The following NUBPL variants were observed in gnomAD, a reference collection of about 807,000 sequenced individuals.
NUBPL encodes iron-sulfur cluster transfer protein NUBPL.
A neutral mutation model predicts 45.7 loss-of-function variants in NUBPL; 31 were observed. The ratio of observed to expected loss-of-function variants is 0.68; its 90% CI spans 0.51 to 0.92. The LOEUF (loss-of-function observed/expected upper bound fraction) is 0.92, where lower values mean the gene tolerates loss of function less well. Ranked by LOEUF, NUBPL falls within the 40% of genes least tolerant of loss-of-function variation. The pLI is 0.00. For missense variants in NUBPL, 401 were observed against 398.7 expected (o/e 1.01, Z -0.05); for synonymous variants, 144 against 140.9 (o/e 1.02, Z -0.15).
chr14:31,758,142 A>G (rs976402576), intron 6 of NUBPL, among the ~76,000 whole-genome samples: 6 of 152,122 alleles, frequency 3.9e-5, no homozygotes, highest in African/African-American at 1.4e-4. Context: ...TCCATCCATT[A>G]GAGTGTAAGT....
chr14:31,651,913 AG>A (rs2036017305), intron 4 of NUBPL, among the ~76,000 whole-genome samples: 1 of 150,364 alleles, frequency 6.7e-6, no homozygotes, highest in Non-Finnish European at 1.5e-5. Context: ...AAAAAAAAAA[AG>A]AAAAAAAGAA....
At chr14:31,632,150 G>A (rs1294093987) in intron 4 of NUBPL, among the ~76,000 whole-genome samples, 4 of 152,074 alleles carry the variant, frequency 2.6e-5, no homozygotes, top group Non-Finnish European at 5.9e-5. Context: ...AATTTGAGAG[G>A]GACTATTTAC....
rs1240055444 is a variant in NUBPL at position 31,666,250 on chromosome 14, T to C, written c.383-7105T>C. Among the ~76,000 whole-genome samples the C allele has an allele frequency of 9.0e-4, 86 of 95,966 alleles. 4 individuals carry two copies. Among genetic ancestry groups the C allele is most frequent in the African/African-American group, 2.3e-3 (50 of 21,704 alleles). 63.0% of individuals were successfully genotyped at this position (95,966 alleles called of 152,430 possible). On this transcript the variant is annotated intron_variant, in intron 4 of 10. Transcript: ENST00000281081. ...TAAGATATATATATATATATATATATATATATATATATAATTTTATTTTAT... is the reference window on the plus strand; with the variant it reads ...TAAGATATATATATATATATATATACATATATATATATAATTTTATTTTAT...
intron 4 of NUBPL, among the ~76,000 whole-genome samples, chr14:31,643,603 A>G (rs1053095773): frequency 5.3e-5 from 8 of 152,154 alleles, no homozygotes; most frequent in South Asian, 2.1e-4. Context: ...TGTTGGGTCT[A>G]TAGTTTTCTT....
chr14:31,842,050 C>G (rs2040384531), intron 8 of NUBPL, among the ~76,000 whole-genome samples: 1 of 149,704 alleles, frequency 6.7e-6, no homozygotes, highest in Admixed American at 6.7e-5. Context: ...CCTGCCTCAG[C>G]CTCCTGAGTA....
At chr14:31,810,976 G>C (rs140515703) in intron 7 of NUBPL, among the ~76,000 whole-genome samples, 1 of 152,080 alleles carries the variant, frequency 6.6e-6, no homozygotes, top group Admixed American at 6.6e-5. Context: ...AGGGTTTCTG[G>C]CGAGAGATCC....
rs576776758 is a variant in NUBPL at position 31,774,751 on chromosome 14, C to T, written c.514-13029C>T. On this transcript the variant is annotated intron_variant, in intron 6 of 10. Coordinates refer to ENST00000281081, the MANE Select transcript of NUBPL (RefSeq NM_025152.3). The stretch of plus-strand genomic sequence containing the variant: ...TATTATTTGAGGAAAACATGTTAGC[C>T]TAAAATTACCATTGTCAGCATTAGT... Among the ~76,000 whole-genome samples, 3 of 152,198 alleles carry T rather than the reference C, an allele frequency of 2.0e-5. No homozygotes were observed. In the East Asian group the frequency reaches 5.8e-4, roughly 29 times the overall value.
At chr14:31,756,095 T>G (rs1324942363) in intron 6 of NUBPL, among the ~76,000 whole-genome samples, 1 of 151,770 alleles carries the variant, frequency 6.6e-6, no homozygotes, top group Admixed American at 6.6e-5. Flanking sequence ...CTGTTTTGGT[T>G]ACTGTAGCCT....
chr14:31,753,308 A>G (rs1035766694), intron 6 of NUBPL, among the ~76,000 whole-genome samples: 2 of 152,026 alleles, frequency 1.3e-5, no homozygotes, highest in Non-Finnish European at 2.9e-5. Context: ...TGGGAGGTGT[A>G]TGCAGCCTAT....
intron 9 of NUBPL, among the ~76,000 whole-genome samples, chr14:31,848,766 T>C (rs1218332737): frequency 6.6e-6 from 1 of 152,188 alleles, no homozygotes; most frequent in African/African-American, 2.4e-5. Context: ...TCTGTGTCTG[T>C]AGGTAGGATT....
At chr14:31,679,928 A>G (rs540498080) in intron 6 of NUBPL, among the ~76,000 whole-genome samples, 2 of 152,210 alleles carry the variant, frequency 1.3e-5, no homozygotes, top group Admixed American at 1.3e-4. Flanking sequence ...AATGTTTTAT[A>G]GTTTTTAGCA....
intron 6 of NUBPL, among the ~76,000 whole-genome samples, chr14:31,690,894 G>A (rs1566503166): frequency 6.6e-6 from 1 of 152,180 alleles, no homozygotes; most frequent in African/African-American, 2.4e-5. Context: ...AGAATTAGTA[G>A]AAGAAACTGT....
chr14:31,631,232 C>T (rs2035333675), intron 4 of NUBPL, among the ~76,000 whole-genome samples: 2 of 151,742 alleles, frequency 1.3e-5, no homozygotes, highest in African/African-American at 2.4e-5. Context: ...TTACAGGTGT[C>T]TGTGTGTGTG....
At chr14:31,566,238 C>G (rs1251672590) in intron 3 of NUBPL, among the ~76,000 whole-genome samples, 1 of 152,002 alleles carries the variant, frequency 6.6e-6, no homozygotes, top group Non-Finnish European at 1.5e-5. Context: ...GATCCTGGAA[C>G]TAGACATAGA....
chr14:31,574,106 G>C (rs944196437), intron 3 of NUBPL, among the ~76,000 whole-genome samples: 2 of 152,168 alleles, frequency 1.3e-5, no homozygotes, highest in South Asian at 2.1e-4. Flanking sequence ...TTTTCACTGA[G>C]CAAATGAAGT....
At chr14:31,631,677 G>A (rs554280899) in intron 4 of NUBPL, among the ~76,000 whole-genome samples, 3 of 152,194 alleles carry the variant, frequency 2.0e-5, no homozygotes, top group East Asian at 1.9e-4. Flanking sequence ...GTAAATTCCA[G>A]TCTGAGTCCA....
intron 4 of NUBPL, among the ~76,000 whole-genome samples, chr14:31,599,629 A>G (rs1226884615): frequency 6.6e-6 from 1 of 152,246 alleles, no homozygotes; most frequent in East Asian, 1.9e-4. Flanking sequence ...ATAAAGACTC[A>G]AAACACTTCT....
intron 6 of NUBPL, among the ~76,000 whole-genome samples, chr14:31,674,325 C>T (rs557420832): frequency 6.6e-6 from 1 of 152,246 alleles, no homozygotes; most frequent in South Asian, 2.1e-4. Flanking sequence ...ATGGTAGATA[C>T]TCCTATATTC....
chr14:31,799,000 A>AT (rs1189293127), intron 7 of NUBPL, among the ~76,000 whole-genome samples: 1 of 152,000 alleles, frequency 6.6e-6, no homozygotes, highest in African/African-American at 2.4e-5. Flanking sequence ...ACACTATCAA[A>AT]AAGTTTTTTT....
Sources: gnomAD v4.1 joint callset for allele counts (sites outside exome capture counted in the v4.1 genomes callset) on GRCh38, gnomAD v4.1.1 for gene constraint, MANE v1.5 for transcripts, NCBI Gene and HGNC (gene_info 2026-07-23, HGNC 2026-07-21) for gene names.